CLASP1: variants seen among roughly 807,000 people sequenced by gnomAD.
CLASP1 encodes CLIP-associating protein 1.
In CLASP1, 38 loss-of-function variants were observed where a neutral mutation model predicts 192.3. The observed-to-expected ratio is 0.20, with a 90% CI of 0.15 to 0.26. CLASP1 has a LOEUF of 0.26. Among genes scored for constraint, CLASP1 ranks in the 10% least tolerant of loss-of-function variants. CLASP1 has a pLI of 1.00. For synonymous variants in CLASP1, 691 were observed against 712.8 expected (o/e 0.97, Z 0.49); for missense variants, 1,433 against 1,932.5 (o/e 0.74, Z 4.85).
chr2:121,367,476 C>A, intron 35 of CLASP1, 112 bp downstream of exon 36: 1 of 1,402,668 alleles, frequency 7.1e-7, no homozygotes, highest in Non-Finnish European at 9.8e-7. Context: ...GCAGAAAGAA[C>A]AGACCCAGCG....
intron 34 of CLASP1, 73 bp downstream of exon 35, chr2:121,377,426 G>C: frequency 2.9e-6 from 3 of 1,018,522 alleles, no homozygotes; most frequent in Non-Finnish European, 4.3e-6. Context: ...TAATCATGAT[G>C]GTCAGTGTTC....
In CLASP1 at chr2:121,530,367, C is replaced by A; in HGVS notation, c.196-42G>T. The A allele has an allele frequency of 2.0e-6, 3 of 1,491,178 alleles. No homozygotes were observed. In the South Asian group the frequency reaches 3.6e-5, roughly 18 times the overall value. The allele number at this position is 1,491,178 out of a possible 1,614,324, so 92.4% of individuals were successfully genotyped here. A position where few individuals can be genotyped will look rare whatever the true frequency, so the allele number is the denominator to read the frequency against. ...CGGGAGCCTGTTAGCAGCCGGCCTGCGGGGCAGCGCTCCCGCCCACCCGCT... is the reference window on the plus strand; with the variant it reads ...CGGGAGCCTGTTAGCAGCCGGCCTGAGGGGCAGCGCTCCCGCCCACCCGCT... On this transcript the variant is annotated intron_variant, in intron 2 of 39. Coordinates refer to ENST00000263710, the Ensembl canonical transcript of CLASP1.
At chr2:121,457,915 G>A (rs2087034469) in intron 13 of CLASP1, among the ~76,000 whole-genome samples, 158 bp from the exon 14 acceptor site, 1 of 152,148 alleles carries the variant, frequency 6.6e-6, no homozygotes, top group Admixed American at 6.5e-5. Flanking sequence ...ACAGGATATT[G>A]TCAAAAGCCA....
At chr2:121,346,570 G>A (rs1325114109) in intron 39 of CLASP1, among the ~76,000 whole-genome samples, 3 of 152,246 alleles carry the variant, frequency 2.0e-5, no homozygotes, top group Non-Finnish European at 4.4e-5. Flanking sequence ...GGATGACCAT[G>A]CCCACAGGGA....
chr2:121,593,882 G>T (rs1375125888), intron 2 of CLASP1, among the ~76,000 whole-genome samples: 1 of 151,950 alleles, frequency 6.6e-6, no homozygotes, highest in Non-Finnish European at 1.5e-5. Context: ...GGTGGTGCAT[G>T]CCTGTGATCC....
At chr2:121,491,888 T>A (rs1453357441) in intron 8 of CLASP1, among the ~76,000 whole-genome samples, 1 of 152,218 alleles carries the variant, frequency 6.6e-6, no homozygotes, top group Non-Finnish European at 1.5e-5. Context: ...ATATTAAGCA[T>A]CAGAGAACAA....
chr2:121,602,208 T>C (rs1576381433), intron 2 of CLASP1, among the ~76,000 whole-genome samples: 1 of 148,112 alleles, frequency 6.8e-6, no homozygotes, highest in East Asian at 2.0e-4. Flanking sequence ...AAAGCGGCAA[T>C]TCCATTTATG....
intron 2 of CLASP1, among the ~76,000 whole-genome samples, chr2:121,587,180 G>C (rs2105683387): frequency 6.6e-6 from 1 of 152,110 alleles, no homozygotes; most frequent in South Asian, 2.1e-4. Flanking sequence ...GGCGGAGGTT[G>C]CAGTGAGCTG....
At chr2:121,570,694 G>A (rs1221430055) in intron 2 of CLASP1, among the ~76,000 whole-genome samples, 2 of 152,166 alleles carry the variant, frequency 1.3e-5, no homozygotes, top group Non-Finnish European at 2.9e-5. Flanking sequence ...CTGGGACCCT[G>A]TATGATATAA....
Position 121,595,085 on chromosome 2 carries a change from G to T in CLASP1, c.195+10616C>A, listed in dbSNP as rs75909038. Among the ~76,000 whole-genome samples, 971 of 152,214 alleles carry T rather than the reference G, an allele frequency of 6.4e-3. 15 individuals carry two copies. Among genetic ancestry groups the T allele is most frequent in the African/African-American group, 0.023 (939 of 41,508 alleles). On this transcript the variant is annotated intron_variant, in intron 2 of 39. Transcript: ENST00000263710. ...CTCCCTTTAAGAAATCAACTGTGGG[G>T]TACGTCCTTACACCCTTTTCTTTTA...
chr2:121,607,491 A>C (rs2105926528), intron 1 of CLASP1, among the ~76,000 whole-genome samples: 1 of 152,354 alleles, frequency 6.6e-6, no homozygotes, highest in Non-Finnish European at 1.5e-5. Context: ...TGATATGAGA[A>C]AAGTACCAAA....
At chr2:121,356,515 T>A (rs945275429) in intron 37 of CLASP1, among the ~76,000 whole-genome samples, 1 of 152,204 alleles carries the variant, frequency 6.6e-6, no homozygotes, top group African/African-American at 2.4e-5. Flanking sequence ...GGTTCTGGCA[T>A]CAACTAGCCA....
intron 2 of CLASP1, among the ~76,000 whole-genome samples, chr2:121,602,867 A>T (rs1186481789): frequency 6.6e-6 from 1 of 152,230 alleles, no homozygotes; most frequent in Non-Finnish European, 1.5e-5. Context: ...AGATGAAAAC[A>T]TTTAAGAAAT....
chr2:121,552,807 A>G (rs2058162286), intron 2 of CLASP1, among the ~76,000 whole-genome samples: 1 of 152,244 alleles, frequency 6.6e-6, no homozygotes, highest in Admixed American at 6.5e-5. Flanking sequence ...CTAGAAGCAG[A>G]ACTACCATTC....
At chr2:121,386,120 C>T (rs79124575) in intron 32 of CLASP1, among the ~76,000 whole-genome samples, 21 of 152,234 alleles carry the variant, frequency 1.4e-4, no homozygotes, top group African/African-American at 4.3e-4. Flanking sequence ...GAACTGGAAA[C>T]CTTCAGTGAT....
chr2:121,372,540 A>G (rs753266316), intron 34 of CLASP1, among the ~76,000 whole-genome samples: 21 of 152,218 alleles, frequency 1.4e-4, no homozygotes, highest in Non-Finnish European at 3.1e-4. Context: ...ATTTGCATGT[A>G]TTCAAAAGAG....
chr2:121,427,271 C>A, intron 21 of CLASP1, 133 bp downstream of exon 21: 6 of 1,142,896 alleles, frequency 5.2e-6, no homozygotes, highest in Non-Finnish European at 7.4e-6. Flanking sequence ...AGAATTTGAA[C>A]ACAAAGAAAA....
chr2:121,409,851 T>C (rs990856912), intron 24 of CLASP1, among the ~76,000 whole-genome samples: 1 of 152,070 alleles, frequency 6.6e-6, no homozygotes, highest in African/African-American at 2.4e-5. Context: ...TTTCTATACA[T>C]AAGGTTGAGG....
At chr2:121,340,947 T>G in exon 40 of CLASP1, 8 of 1,595,138 alleles carry the variant, frequency 5.0e-6, no homozygotes, top group Non-Finnish European at 6.8e-6. Context: ...AGTAGCTTCA[T>G]CTGAAAAGAG....
Sources: gnomAD v4.1 joint callset for allele counts (sites outside exome capture counted in the v4.1 genomes callset) on GRCh38, gnomAD v4.1.1 for gene constraint, MANE v1.5 for transcripts, NCBI Gene and HGNC (gene_info 2026-07-23, HGNC 2026-07-21) for gene names.